The following TRIM67 variants were observed in gnomAD, a reference collection of about 807,000 sequenced individuals.
TRIM67 encodes tripartite motif containing 67.
TRIM67 carries 39 observed loss-of-function variants against 71.0 expected under a neutral mutation model. The observed-to-expected ratio is 0.55, with a 90% CI of 0.43 to 0.72. The LOEUF is 0.72. Among genes scored for constraint, TRIM67 ranks in the 30% least tolerant of loss-of-function variants. TRIM67 has a pLI of 0.00. For synonymous variants in TRIM67, 481 were observed against 473.9 expected (o/e 1.01, Z -0.19); for missense variants, 973 against 1,079.2 (o/e 0.90, Z 1.38).
At chr1:231,194,592 C>A (rs1683316617) in intron 1 of TRIM67, among the ~76,000 whole-genome samples, 1 of 152,158 alleles carries the variant, frequency 6.6e-6, no homozygotes, top group African/African-American at 2.4e-5. Context: ...GGCTACAGCA[C>A]AGAGGTTACA....
intron 5 of TRIM67, 71 bp downstream of exon 5, chr1:231,201,588 C>G: frequency 2.0e-6 from 3 of 1,530,994 alleles, no homozygotes; most frequent in Non-Finnish European, 2.6e-6. Flanking sequence ...GGGGCCAGCT[C>G]GGTGCCATAG....
chr1:231,200,838 A>C (rs1000185166), intron 4 of TRIM67, among the ~76,000 whole-genome samples: 1 of 152,186 alleles, frequency 6.6e-6, no homozygotes, highest in Admixed American at 6.5e-5. Context: ...GATAAGCAGG[A>C]CTTTCCAGCA....
chr1:231,202,894 A>T (rs1683590322), intron 5 of TRIM67, among the ~76,000 whole-genome samples: 1 of 152,100 alleles, frequency 6.6e-6, no homozygotes, highest in South Asian at 2.1e-4. Context: ...GCCACTCCAG[A>T]TGCTGCTCCT....
intron 6 of TRIM67, 66 bp downstream of exon 6, chr1:231,204,078 C>G (rs1683629645): frequency 4.4e-6 from 7 of 1,591,742 alleles, no homozygotes; most frequent in Non-Finnish European, 6.0e-6. Flanking sequence ...GTGGCTCCCA[C>G]TGCCCCAGAC....
Position 231,216,050 on chromosome 1 carries a change from A to C in TRIM67, c.*610A>C. On this transcript the variant is annotated 3_prime_UTR_variant, in exon 10 of 10. Transcript: ENST00000366653. The stretch of plus-strand genomic sequence containing the variant: ...TTCATGCTTGACTTTTGCCTCTCTC[A>C]CTGAAGTGTTAGAACCTTTTAAAAT... The C allele has an allele frequency of 1.0e-6, 1 of 985,458 alleles. No homozygotes were observed. Among genetic ancestry groups the C allele is most frequent in the Non-Finnish European group, 1.2e-6 (1 of 829,968 alleles). 61.0% of individuals were successfully genotyped at this position (985,458 alleles called of 1,614,324 possible).
At chr1:231,207,971 C>T (rs1351999389) in intron 7 of TRIM67, among the ~76,000 whole-genome samples, 1 of 151,938 alleles carries the variant, frequency 6.6e-6, no homozygotes, top group Non-Finnish European at 1.5e-5. Flanking sequence ...AAATCTCCCA[C>T]CCATGAGGTG....
chr1:231,212,918 A>T (rs935590010), intron 8 of TRIM67, among the ~76,000 whole-genome samples: 7 of 152,184 alleles, frequency 4.6e-5, no homozygotes, highest in African/African-American at 1.7e-4. Context: ...GACATTCTCA[A>T]CGTTCCGCTA....
At chr1:231,187,886 G>A (rs1683129343) in intron 1 of TRIM67, among the ~76,000 whole-genome samples, 2 of 152,334 alleles carry the variant, frequency 1.3e-5, no homozygotes, top group Admixed American at 6.5e-5. Flanking sequence ...AGACGCCTAA[G>A]ATGAAAGCTT....
Position 231,199,061 on chromosome 1 carries a change from C to A in TRIM67, c.1155C>A (p.Asp385Glu). Residue 385 changes from aspartate to glutamate, a missense_variant, in exon 3 of 10, where the codon GAC becomes GAA. Around this residue, in one of 2 missense-constraint regions of TRIM67, gnomAD observed 795 missense variants for 831.3 expected, o/e 0.96. Coordinates refer to ENST00000366653, the MANE Select transcript of TRIM67 (RefSeq NM_001004342.5). ...ACCTCTGCCAGGAAAACGGACTGGACTACGAAGCCTGCCTCGTTGCTCAGT... is the reference window on the plus strand; with the variant it reads ...ACCTCTGCCAGGAAAACGGACTGGAATACGAAGCCTGCCTCGTTGCTCAGT... ...ILQQIQENGL[D>E]YEACLVAQCD... is the part of the protein sequence containing the mutation. The A allele has an allele frequency of 6.2e-7, 1 of 1,613,982 alleles. No individual in the cohort carries two copies. Among genetic ancestry groups the A allele is most frequent in the Non-Finnish European group, 8.5e-7 (1 of 1,179,876 alleles).
intron 1 of TRIM67, among the ~76,000 whole-genome samples, chr1:231,172,788 C>T (rs1423465573): frequency 1.3e-5 from 2 of 152,224 alleles, no homozygotes. Flanking sequence ...TGGATGATAT[C>T]TATAAAACCA....
intron 1 of TRIM67, among the ~76,000 whole-genome samples, chr1:231,185,674 CT>C (rs1390227730): frequency 6.6e-6 from 1 of 151,928 alleles, no homozygotes; most frequent in Non-Finnish European, 1.5e-5. Context: ...AGTGCCCGTT[CT>C]GCACAGGCTC....
chr1:231,218,372 GTAGTTTAAAAATGTCGAGTTCCA>G lies in TRIM67; in HGVS notation c.*2934_*2956del. 1.0e-6 allele frequency: 1 copy of G among 986,026 alleles called. No individual in the cohort carries two copies. Among genetic ancestry groups the G allele is most frequent in the Non-Finnish European group, 1.2e-6 (1 of 830,346 alleles). 61.1% of individuals were successfully genotyped at this position (986,026 alleles called of 1,614,324 possible). ...AGTTTCAGTGAAAAAGGAATTCAAAGTAGTTTAAAAATGTCGAGTTCCATTGCATTGTAAATAGTGCCTCTGTA... is the reference window on the plus strand; with the variant it reads ...AGTTTCAGTGAAAAAGGAATTCAAAGTTGCATTGTAAATAGTGCCTCTGTA... On this transcript the variant is annotated 3_prime_UTR_variant, in exon 10 of 10. Transcript: ENST00000366653.
intron 1 of TRIM67, 109 bp downstream of exon 1, chr1:231,164,122 C>A: frequency 7.8e-7 from 1 of 1,278,490 alleles, no homozygotes; most frequent in Non-Finnish European, 1.0e-6. Flanking sequence ...GAGGGTCAGG[C>A]AGGAATTACC....
At chr1:231,207,626 G>A (rs1683741059) in intron 7 of TRIM67, among the ~76,000 whole-genome samples, 2 of 152,158 alleles carry the variant, frequency 1.3e-5, no homozygotes, top group African/African-American at 4.8e-5. Context: ...TGCCACAGCT[G>A]GATGGTCTCC....
chr1:231,204,436 G>A (rs1382619518), intron 6 of TRIM67, among the ~76,000 whole-genome samples: 1 of 152,184 alleles, frequency 6.6e-6, no homozygotes, highest in Admixed American at 6.5e-5. Context: ...AAGGTGCTGG[G>A]CATATAGAGG....
intron 1 of TRIM67, among the ~76,000 whole-genome samples, chr1:231,182,408 TA>T (rs954927494): frequency 9.4e-5 from 14 of 148,780 alleles, no homozygotes; most frequent in East Asian, 5.9e-4. Flanking sequence ...AAAACAAATT[TA>T]AAAAAAAAAT....
rs1683812359 is a variant in TRIM67 at position 231,209,583 on chromosome 1, C to A, written c.2123+333C>A. ...CTTCACTTTCCTTTTCAACTGTCAA[C>A]CCAAGCTTGGGTTGCTGCAGGGTGT... On this transcript the variant is annotated intron_variant, in intron 8 of 9. Coordinates refer to ENST00000366653, the MANE Select transcript of TRIM67 (RefSeq NM_001004342.5). The surrounding 1 kb of genome is among the most constrained non-coding windows in gnomAD (Gnocchi z 4.1). Among the ~76,000 whole-genome samples the A allele has an allele frequency of 6.6e-6, 1 of 152,212 alleles. No homozygotes were observed. The highest frequency in any genetic ancestry group is 2.4e-5 in the African/African-American group (1 of 41,464).
intron 1 of TRIM67, among the ~76,000 whole-genome samples, chr1:231,173,058 G>A (rs1219468484): frequency 6.6e-6 from 1 of 152,152 alleles, no homozygotes; most frequent in African/African-American, 2.4e-5. Context: ...TACTCATTCA[G>A]TCAATGAGGA....
chr1:231,217,929 C>G lies in TRIM67; in HGVS notation c.*2489C>G. On this transcript the variant is annotated 3_prime_UTR_variant, in exon 10 of 10. Coordinates refer to ENST00000366653, the MANE Select transcript of TRIM67 (RefSeq NM_001004342.5). ...GAGGTGCAGCCAGGACTCCCTCCTC[C>G]CCACTGCCACCCTGAGCTTGGGGGC... 1 of 1,279,700 alleles carries G rather than the reference C, an allele frequency of 7.8e-7. No individual in the cohort carries two copies. Among genetic ancestry groups the G allele is most frequent in the Non-Finnish European group, 1.0e-6 (1 of 984,240 alleles). 79.3% of individuals were successfully genotyped at this position (1,279,700 alleles called of 1,614,324 possible). A position where few individuals can be genotyped will look rare whatever the true frequency, so the allele number is the denominator to read the frequency against.
Sources: allele counts gnomAD v4.1 joint callset (sites outside exome capture counted in the v4.1 genomes callset), GRCh38; gene constraint gnomAD v4.1.1; regional missense constraint gnomAD v4.1.1; non-coding constraint Gnocchi (gnomAD v3.1); transcripts MANE v1.5; gene names NCBI Gene and HGNC (gene_info 2026-07-23, HGNC 2026-07-21).